TFDP2: variants seen among roughly 807,000 people sequenced by gnomAD.
TFDP2 encodes the protein transcription factor Dp-2.
Under a neutral mutation model 59.3 loss-of-function variants are expected in TFDP2, and 17 were observed. The ratio of observed to expected loss-of-function variants is 0.29; its 90% CI spans 0.20 to 0.43. TFDP2 has a LOEUF of 0.43. TFDP2 is among the 20% of genes least tolerant of loss of function. The pLI is 1.00. For synonymous variants in TFDP2, 180 were observed against 194.7 expected (o/e 0.92, Z 0.63); for missense variants, 391 against 528.8 (o/e 0.74, Z 2.56).
chr3:141,976,900 C>G (rs1940721366), intron 7 of TFDP2, among the ~76,000 whole-genome samples: 1 of 151,282 alleles, frequency 6.6e-6, no homozygotes, highest in Admixed American at 6.6e-5. Flanking sequence ...ATCATATTCT[C>G]TGGACAAATT....
At chr3:141,963,138 A>ACT (rs11569263) in intron 10 of TFDP2, among the ~76,000 whole-genome samples, 11,379 of 151,982 alleles carry the variant, frequency 0.075, 567 homozygotes, top group African/African-American at 0.14. Flanking sequence ...TATACTCTTA[A>ACT]CTCTTTTATG....
intron 3 of TFDP2, among the ~76,000 whole-genome samples, chr3:142,072,920 C>A (rs2060295866): frequency 6.6e-6 from 1 of 152,182 alleles, no homozygotes; most frequent in Non-Finnish European, 1.5e-5. Context: ...TAACTCCCTG[C>A]TCCTCAAGTG....
chr3:142,101,956 CACA>C (rs2061329267), intron 1 of TFDP2, 115 bp from the exon 2 acceptor site: 3 of 412,936 alleles, frequency 7.3e-6, no homozygotes, highest in African/African-American at 6.0e-5. Context: ...AATTAATCTT[CACA>C]ACAACACTAT....
At chr3:142,006,778 T>C (rs1944248510) in intron 3 of TFDP2, among the ~76,000 whole-genome samples, 1 of 148,070 alleles carries the variant, frequency 6.8e-6, no homozygotes, top group Admixed American at 6.7e-5. Context: ...AAATGACTTC[T>C]TTTTCTTTTT....
intron 3 of TFDP2, among the ~76,000 whole-genome samples, chr3:142,044,639 G>A (rs992225661): frequency 6.6e-6 from 1 of 152,094 alleles, no homozygotes; most frequent in Non-Finnish European, 1.5e-5. Flanking sequence ...CCAAAGTGCT[G>A]GGATTACAGG....
intron 3 of TFDP2, among the ~76,000 whole-genome samples, chr3:142,027,008 T>C (rs1946142846): frequency 6.6e-6 from 1 of 152,224 alleles, no homozygotes; most frequent in Non-Finnish European, 1.5e-5. Context: ...TATCAACATA[T>C]GTAACTGATG....
chr3:142,145,188 C>T (rs1458490788), intron 1 of TFDP2, among the ~76,000 whole-genome samples: 6 of 152,150 alleles, frequency 3.9e-5, no homozygotes. Context: ...AGATAAAAGA[C>T]AGTTCCTAAC....
At chr3:142,058,244 C>A (rs1435038331) in intron 3 of TFDP2, among the ~76,000 whole-genome samples, 1 of 151,874 alleles carries the variant, frequency 6.6e-6, no homozygotes, top group African/African-American at 2.4e-5. Context: ...CACATAAAAT[C>A]TACACCATCT....
intron 3 of TFDP2, among the ~76,000 whole-genome samples, chr3:142,088,530 C>G (rs1285350704): frequency 6.6e-6 from 1 of 151,570 alleles, no homozygotes; most frequent in Non-Finnish European, 1.5e-5. Flanking sequence ...AGGGTTTCAT[C>G]ATGCTGCCTA....
At chr3:142,023,122 CAAAAA>C (rs765096570) in intron 3 of TFDP2, among the ~76,000 whole-genome samples, 3 of 59,588 alleles carry the variant, frequency 5.0e-5, no homozygotes, top group Non-Finnish European at 8.2e-5. Flanking sequence ...CCCTCCGTCT[CAAAAA>C]AAAAAAAAAA....
chr3:141,972,127 T>C (rs1168431200), intron 8 of TFDP2, among the ~76,000 whole-genome samples: 3 of 152,238 alleles, frequency 2.0e-5, no homozygotes, highest in Non-Finnish European at 2.9e-5. Flanking sequence ...ACTTTTAAAT[T>C]ACTTAAGATT....
At chr3:142,134,268 G>A (rs2062632246) in intron 1 of TFDP2, among the ~76,000 whole-genome samples, 2 of 150,962 alleles carry the variant, frequency 1.3e-5, no homozygotes, top group African/African-American at 4.9e-5. Flanking sequence ...AGAATCGCCT[G>A]AACCCGAGAG....
At chr3:142,132,180 C>T (rs942200257) in intron 1 of TFDP2, among the ~76,000 whole-genome samples, 1 of 150,044 alleles carries the variant, frequency 6.7e-6, no homozygotes, top group Non-Finnish European at 1.5e-5. Flanking sequence ...TACTCTGCAG[C>T]ATGCATAAAC....
intron 4 of TFDP2, among the ~76,000 whole-genome samples, chr3:142,003,239 T>TCCAC (rs1447076397): frequency 2.6e-5 from 4 of 152,102 alleles, no homozygotes; most frequent in Non-Finnish European, 5.9e-5. Flanking sequence ...GACCTCGTGA[T>TCCAC]CCACCCACCT....
chr3:142,035,840 T>C (rs564732861), intron 3 of TFDP2, among the ~76,000 whole-genome samples: 22 of 152,348 alleles, frequency 1.4e-4, no homozygotes, highest in South Asian at 4.1e-4. Context: ...TCCAGCATGA[T>C]TGTGAGGCTT....
At chr3:142,142,650 A>G (rs772282272) in intron 1 of TFDP2, among the ~76,000 whole-genome samples, 26 of 152,262 alleles carry the variant, frequency 1.7e-4, no homozygotes, top group Non-Finnish European at 5.9e-5. Flanking sequence ...AGCCAAAGCT[A>G]TCTTGAGCAA....
chr3:141,986,940 T>G (rs1942166261), intron 6 of TFDP2, among the ~76,000 whole-genome samples: 1 of 152,240 alleles, frequency 6.6e-6, no homozygotes, highest in Admixed American at 6.5e-5. Flanking sequence ...GTTTGTATTT[T>G]TTGCTAGAAT....
chr3:142,024,121 A>C (rs1290211966), intron 3 of TFDP2, among the ~76,000 whole-genome samples: 1 of 152,178 alleles, frequency 6.6e-6, no homozygotes, highest in Non-Finnish European at 1.5e-5. Context: ...GAACTTTTAT[A>C]AATAAGTTCT....
At chr3:142,060,941 A>G (rs1366001256) in intron 3 of TFDP2, among the ~76,000 whole-genome samples, 4 of 152,346 alleles carry the variant, frequency 2.6e-5, no homozygotes, top group Non-Finnish European at 5.9e-5. Context: ...AACTCCGTCT[A>G]CTGAACGATT....
Sources: allele counts gnomAD v4.1 joint callset (sites outside exome capture counted in the v4.1 genomes callset), GRCh38; gene constraint gnomAD v4.1.1; transcripts MANE v1.5; gene names NCBI Gene and HGNC (gene_info 2026-07-23, HGNC 2026-07-21).